ATF7: variants seen among roughly 807,000 people sequenced by gnomAD.
ATF7 encodes activating transcription factor 7.
ATF7 carries 10 observed loss-of-function variants against 50.4 expected under a neutral mutation model. The ratio of observed to expected loss-of-function variants is 0.20; its 90% CI spans 0.12 to 0.34. ATF7 has a LOEUF of 0.34. Among genes scored for constraint, ATF7 ranks in the 10% least tolerant of loss-of-function variants. The pLI is 1.00. For missense variants in ATF7, 465 were observed against 613.9 expected (o/e 0.76, Z 2.56); for synonymous variants, 201 against 226.4 (o/e 0.89, Z 1.01).
chr12:53,557,352 C>T (rs1940816183), intron 2 of ATF7, among the ~76,000 whole-genome samples: 1 of 151,770 alleles, frequency 6.6e-6, no homozygotes, highest in Non-Finnish European at 1.5e-5. Flanking sequence ...CAGGCATGCA[C>T]CACCATGTTC....
intron 2 of ATF7, among the ~76,000 whole-genome samples, chr12:53,563,763 C>T (rs1941287813): frequency 6.6e-6 from 1 of 152,252 alleles, no homozygotes. Context: ...TATATAGTGA[C>T]ATAAGAGTAA....
Position 53,601,041 on chromosome 12 carries a change from G to A in ATF7, c.-21-20C>T. ...GAGGAGCTGAGGAGGGGGAGGTGAG[G>A]GAAAAAGTTATGTTAAATATGCTGG... On this transcript the variant is annotated intron_variant, in intron 1 of 11. Transcript: ENST00000420353. 1.3e-6 allele frequency: 2 copies of A among 1,571,218 alleles called. No individual in the cohort carries two copies. The highest frequency in any genetic ancestry group is 1.9e-5 in the Admixed American group (1 of 53,528).
chr12:53,609,760 G>A (rs183775559), intron 1 of ATF7, among the ~76,000 whole-genome samples: 200 of 150,508 alleles, frequency 1.3e-3, no homozygotes, highest in Non-Finnish European at 2.3e-3. Context: ...AGGATATGCT[G>A]AAAGCATATA....
At chr12:53,616,993 G>A (rs147459680) in intron 1 of ATF7, among the ~76,000 whole-genome samples, 14 of 150,952 alleles carry the variant, frequency 9.3e-5, no homozygotes, top group Non-Finnish European at 1.9e-4. Flanking sequence ...CTGAAGTCAA[G>A]GGTTTGTAAT....
chr12:53,508,472 A>C (rs1164885490), downstream of ATF7, among the ~76,000 whole-genome samples: 2 of 148,740 alleles, frequency 1.3e-5, no homozygotes, highest in African/African-American at 5.0e-5. Flanking sequence ...AGGCAGGAGA[A>C]TCGCTTGAAT....
intron 2 of ATF7, among the ~76,000 whole-genome samples, chr12:53,559,571 C>T (rs1166149659): frequency 6.7e-6 from 1 of 148,840 alleles, no homozygotes; most frequent in Non-Finnish European, 1.5e-5. Context: ...CCCAGCTACT[C>T]GGGAGGCTGA....
At chr12:53,610,248 C>T (rs1042014016) in intron 1 of ATF7, among the ~76,000 whole-genome samples, 9 of 151,994 alleles carry the variant, frequency 5.9e-5, no homozygotes, top group African/African-American at 2.2e-4. Context: ...TCCTAGTTAC[C>T]TGTTCTCATA....
intron 2 of ATF7, among the ~76,000 whole-genome samples, chr12:53,581,123 TAAATAAA>T (rs1248139646): frequency 2.0e-5 from 3 of 149,256 alleles, no homozygotes; most frequent in Non-Finnish European, 3.0e-5. Context: ...AAAAAAAAAA[TAAATAAA>T]AAATAAAAAT....
intron 2 of ATF7, among the ~76,000 whole-genome samples, chr12:53,582,430 G>A (rs985621703): frequency 2.0e-5 from 3 of 151,584 alleles, no homozygotes; most frequent in African/African-American, 7.3e-5. Flanking sequence ...GAGACTAGGA[G>A]TTTGAGACCA....
intron 9 of ATF7, among the ~76,000 whole-genome samples, chr12:53,528,619 T>C (rs7306748): frequency 0.46 from 70,028 of 151,776 alleles, 16,822 homozygotes; most frequent in Non-Finnish European, 0.53. Flanking sequence ...AAAAATTAGC[T>C]GGGCATGATA....
chr12:53,542,824 A>T, intron 4 of ATF7: 1 of 641,636 alleles, frequency 1.6e-6, no homozygotes, highest in Non-Finnish European at 1.9e-6. Context: ...CTTTATCTTT[A>T]ATGCTTTGAA....
chr12:53,565,610 G>A (rs561385830), intron 2 of ATF7, among the ~76,000 whole-genome samples: 1 of 151,912 alleles, frequency 6.6e-6, no homozygotes, highest in East Asian at 1.9e-4. Flanking sequence ...CTCGTACTTC[G>A]GCCTCCTGAG....
chr12:53,586,257 A>G (rs768941706), intron 2 of ATF7, among the ~76,000 whole-genome samples: 1 of 152,174 alleles, frequency 6.6e-6, no homozygotes, highest in Non-Finnish European at 1.5e-5. Flanking sequence ...TTTTTAGACT[A>G]CTTTTATTGT....
At chr12:53,518,360 A>G (rs1480734203) in intron 11 of ATF7, among the ~76,000 whole-genome samples, 1 of 152,286 alleles carries the variant, frequency 6.6e-6, no homozygotes, top group African/African-American at 2.4e-5. Context: ...AAAACATTAT[A>G]AGTTATGCCA....
intron 2 of ATF7, among the ~76,000 whole-genome samples, chr12:53,564,808 T>A (rs1941354640): frequency 6.6e-6 from 1 of 152,218 alleles, no homozygotes; most frequent in Non-Finnish European, 1.5e-5. Flanking sequence ...GCAGACCACA[T>A]GCAGCCCGGA....
rs774660456 is a variant in ATF7 at position 53,515,606 on chromosome 12, G to A, written c.*1531C>T. On this transcript the variant is annotated 3_prime_UTR_variant, in exon 12 of 12. Transcript: ENST00000420353. ...GCCTTAACGTGGAAGAGGGACAAGA[G>A]AGATGAATTGCTCCCTCTGCAACCC... 8 of 152,332 alleles carry A rather than the reference G, an allele frequency of 5.3e-5. No homozygotes were observed. Among genetic ancestry groups the A allele is most frequent in the Admixed American group, 3.9e-4 (6 of 15,298 alleles). The allele number at this position is 152,332 out of a possible 1,614,324, so 9.4% of individuals were successfully genotyped here. A position where few individuals can be genotyped will look rare whatever the true frequency, so the allele number is the denominator to read the frequency against.
intron 3 of ATF7, among the ~76,000 whole-genome samples, chr12:53,550,331 A>T (rs1716965): frequency 0.12 from 14,515 of 123,364 alleles, 929 homozygotes; most frequent in African/African-American, 0.17. Context: ...CTCAAAAAAA[A>T]AAATAAATAA....
At chr12:53,570,763 GTGTGTGTGTGTGTA>G (rs1375644573) in intron 2 of ATF7, among the ~76,000 whole-genome samples, 5 of 151,250 alleles carry the variant, frequency 3.3e-5, no homozygotes, top group Non-Finnish European at 5.9e-5. Flanking sequence ...GTGTGTGTGT[GTGTGTGTGTGTGTA>G]TGTCCAATTT....
chr12:53,543,905 A>C (rs915743412), intron 3 of ATF7: 1 of 157,440 alleles, frequency 6.4e-6, no homozygotes, highest in Non-Finnish European at 1.4e-5. Context: ...GAAGAAACTG[A>C]GGATCAGATG....
Sources: allele counts gnomAD v4.1 joint callset (sites outside exome capture counted in the v4.1 genomes callset), GRCh38; gene constraint gnomAD v4.1.1; transcripts MANE v1.5; gene names NCBI Gene and HGNC (gene_info 2026-07-23, HGNC 2026-07-21).